OTUD7B: variants seen among roughly 807,000 people sequenced by gnomAD.
OTUD7B encodes the protein OTU deubiquitinase 7B.
A neutral mutation model predicts 82.2 loss-of-function variants in OTUD7B; 34 were observed. The ratio of observed to expected loss-of-function variants is 0.41; its 90% CI spans 0.31 to 0.55. The LOEUF (loss-of-function observed/expected upper bound fraction) is 0.55. Ranked by LOEUF, OTUD7B falls within the 20% of genes least tolerant of loss-of-function variation. OTUD7B has a pLI of 0.20. For missense variants in OTUD7B, 944 were observed against 1,062.1 expected (o/e 0.89, Z 1.55); for synonymous variants, 398 against 402.7 (o/e 0.99, Z 0.14).
At chr1:149,946,741 G>GAAAAA (rs1553772237) in intron 11 of OTUD7B, among the ~76,000 whole-genome samples, 1 of 79,522 alleles carries the variant, frequency 1.3e-5, no homozygotes, top group Non-Finnish European at 2.2e-5. Flanking sequence ...GACTTCCTCT[G>GAAAAA]AAAAAAAAAA....
chr1:150,048,217 TAAAG>T, the OTUD7B span, among the ~76,000 whole-genome samples: 1 of 152,122 alleles, frequency 6.6e-6, no homozygotes, highest in Non-Finnish European at 1.5e-5. Flanking sequence ...CACCAGAAGT[TAAAG>T]AAAGGAGACG....
the OTUD7B span, among the ~76,000 whole-genome samples, chr1:150,046,442 G>A: frequency 9.5e-6 from 1 of 104,746 alleles, no homozygotes; most frequent in African/African-American, 3.8e-5. Context: ...CTCTCCAGTG[G>A]CATTTTTTTT....
At chr1:150,006,458 A>T (rs73011930) in intron 1 of OTUD7B, among the ~76,000 whole-genome samples, 2,956 of 152,160 alleles carry the variant, frequency 0.019, 81 homozygotes, top group African/African-American at 0.065. Flanking sequence ...TTTTTCCTAA[A>T]CCTCCATAGC....
chr1:149,983,449 C>T (rs1486412249), intron 1 of OTUD7B, among the ~76,000 whole-genome samples: 4 of 151,966 alleles, frequency 2.6e-5, no homozygotes, highest in South Asian at 4.2e-4. Flanking sequence ...TATAATAAAG[C>T]AATGTTAGAG....
Position 149,942,503 on chromosome 1 carries a change from A to C in OTUD7B, c.*1354T>G, listed in dbSNP as rs781937101. 22 of 152,530 alleles carry C rather than the reference A, an allele frequency of 1.4e-4. No homozygotes were observed. The highest frequency in any genetic ancestry group is 1.9e-4 in the Non-Finnish European group (13 of 68,034). The allele number at this position is 152,530 out of a possible 1,614,324, so 9.4% of individuals were successfully genotyped here. On this transcript the variant is annotated 3_prime_UTR_variant, in exon 12 of 12. Coordinates refer to ENST00000581312, the MANE Select transcript of OTUD7B (RefSeq NM_020205.4). ...TAGAGAACAGGGAAGGGTCAGGGAAAGGGAGAAACCTAAAGACAGATCAGC... is the reference window on the plus strand; with the variant it reads ...TAGAGAACAGGGAAGGGTCAGGGAACGGGAGAAACCTAAAGACAGATCAGC...
At position 149,995,683 on chromosome 1, in the gene OTUD7B, G is replaced by A. The variant is rs781925038; in HGVS notation, c.-67+14765C>T. Among the ~76,000 whole-genome samples the A allele has an allele frequency of 8.7e-4, 132 of 151,612 alleles. 2 individuals are homozygous for A. Among genetic ancestry groups the A allele is most frequent in the Admixed American group, 5.9e-4 (9 of 15,194 alleles). On this transcript the variant is annotated intron_variant, in intron 1 of 11. Transcript: ENST00000581312. ...AATTCCTACTGGAACTCAGCTACTCGCTCTAAGTCTTCAGCATTTTTTTTA... is the reference window on the plus strand; with the variant it reads ...AATTCCTACTGGAACTCAGCTACTCACTCTAAGTCTTCAGCATTTTTTTTA...
chr1:149,971,971 G>A lies in OTUD7B; in HGVS notation c.86-720C>T, dbSNP rs587627011. 6.6e-5 allele frequency among the ~76,000 whole-genome samples: 10 copies of A among 152,070 alleles called. No individual in the cohort carries two copies. The South Asian group carries it at 1.2e-3, about 19-fold the overall frequency. ...TCCTATCACCTACTGTCCTACCTCC[G>A]ATCCATTCCAAAGAATCCCATGAGA... On this transcript the variant is annotated intron_variant, in intron 2 of 11. Transcript: ENST00000581312.
At chr1:150,023,419 A>C in the OTUD7B span, among the ~76,000 whole-genome samples, 2 of 152,336 alleles carry the variant, frequency 1.3e-5, no homozygotes, top group Non-Finnish European at 2.9e-5. Context: ...ACAGACACAG[A>C]AAATGTGGTA....
At chr1:149,975,504 G>T (rs919526371) in intron 2 of OTUD7B, among the ~76,000 whole-genome samples, 2 of 152,124 alleles carry the variant, frequency 1.3e-5, no homozygotes, top group African/African-American at 2.4e-5. Context: ...TCTCAAGTAC[G>T]TTGCACATAT....
the OTUD7B span, among the ~76,000 whole-genome samples, chr1:150,026,364 A>G: frequency 2.1e-4 from 32 of 152,364 alleles, no homozygotes; most frequent in African/African-American, 7.2e-4. Flanking sequence ...AGACCATGCA[A>G]TGAATATTTA....
the OTUD7B span, among the ~76,000 whole-genome samples, chr1:150,059,048 C>CT: frequency 3.1e-3 from 434 of 140,872 alleles, 3 homozygotes; most frequent in African/African-American, 8.4e-3. Flanking sequence ...TTCTTACTTT[C>CT]TTTTCTTTTT....
intron 1 of OTUD7B, among the ~76,000 whole-genome samples, chr1:149,981,945 C>T (rs1280620147): frequency 2.6e-5 from 4 of 152,068 alleles, no homozygotes; most frequent in East Asian, 1.9e-4. Context: ...GTCAGGAGAT[C>T]GAGACCATCC....
At chr1:149,992,193 C>G (rs2101902197) in intron 1 of OTUD7B, among the ~76,000 whole-genome samples, 1 of 152,264 alleles carries the variant, frequency 6.6e-6, no homozygotes, top group Middle Eastern at 3.4e-3. Context: ...CCACTGCACT[C>G]CAGCCTGGCG....
rs145793517 is a variant in OTUD7B, at chr1:149,969,488, G to C, written c.274+1575C>G. On this transcript the variant is annotated intron_variant, in intron 3 of 11. Transcript: ENST00000581312. ...TTTATGCATACAGAAGCATATACAG[G>C]TTTTGGCCGGGCACGATGGCTCACG... Among the ~76,000 whole-genome samples, 342 of 152,106 alleles carry C rather than the reference G, an allele frequency of 2.2e-3. 1 individual carries two copies. Among genetic ancestry groups the C allele is most frequent in the African/African-American group, 7.9e-3 (326 of 41,510 alleles).
upstream of OTUD7B, among the ~76,000 whole-genome samples, chr1:150,014,241 T>TA (rs587715026): frequency 0.97 from 140,642 of 144,344 alleles, 68,629 homozygotes; most frequent in Middle Eastern, 1. Context: ...TCTACAAAAA[T>TA]AAAAAAAAAT....
chr1:150,007,104 T>G (rs1553786306), intron 1 of OTUD7B, among the ~76,000 whole-genome samples: 1 of 152,186 alleles, frequency 6.6e-6, no homozygotes, highest in Non-Finnish European at 1.5e-5. Context: ...CTCTCATATA[T>G]TCCCCCCACT....
Position 149,949,625 on chromosome 1 carries a change from G to C in OTUD7B, c.1123+4C>G. 1 of 1,612,580 alleles carries C rather than the reference G, an allele frequency of 6.2e-7. No individual in the cohort carries two copies. Among genetic ancestry groups the C allele is most frequent in the South Asian group, 1.1e-5 (1 of 90,972 alleles). ...TGCAGACCAAAAGACATGTCATTCAGCACCTTGTTCCTTGGTATTCTCCTT... is the reference window on the plus strand; with the variant it reads ...TGCAGACCAAAAGACATGTCATTCACCACCTTGTTCCTTGGTATTCTCCTT... On this transcript the variant is annotated splice_donor_region_variant and intron_variant, in intron 9 of 11. Transcript: ENST00000581312.
upstream of OTUD7B, among the ~76,000 whole-genome samples, chr1:150,012,308 G>C (rs1653113774): frequency 6.6e-6 from 1 of 152,130 alleles, no homozygotes; most frequent in Non-Finnish European, 1.5e-5. Flanking sequence ...GAGCTGAAAA[G>C]GGTGTCGTTC....
At chr1:149,986,658 A>G (rs1444930392) in intron 1 of OTUD7B, among the ~76,000 whole-genome samples, 1 of 152,220 alleles carries the variant, frequency 6.6e-6, no homozygotes, top group Non-Finnish European at 1.5e-5. Flanking sequence ...CTCACTGGAA[A>G]ACCACAACAT....
Sources: gnomAD v4.1 joint callset for allele counts (sites outside exome capture counted in the v4.1 genomes callset) on GRCh38, gnomAD v4.1.1 for gene constraint, MANE v1.5 for transcripts, NCBI Gene and HGNC (gene_info 2026-07-23, HGNC 2026-07-21) for gene names.